Variants in IL20RA observed in about 807,000 individuals in gnomAD.
IL20RA encodes the protein interleukin 20 receptor subunit alpha, also known as interleukin-20 receptor subunit alpha.
Under a neutral mutation model 36.5 loss-of-function variants are expected in IL20RA, and 29 were observed. The observed-to-expected ratio is 0.79, with a 90% confidence interval of 0.59 to 1.08. The LOEUF (loss-of-function observed/expected upper bound fraction) is 1.08, where lower values mean the gene tolerates loss of function less well. IL20RA is among the 50% of genes least tolerant of loss of function. The pLI is 0.00. For synonymous variants in IL20RA, 279 were observed against 267.1 expected (o/e 1.04, Z -0.43); for missense variants, 652 against 668.4 (o/e 0.98, Z 0.27).
At chr6:137,006,688 C>A (rs1402353518) in intron 5 of IL20RA, among the ~76,000 whole-genome samples, 1 of 151,852 alleles carries the variant, frequency 6.6e-6, no homozygotes, top group Non-Finnish European at 1.5e-5. Flanking sequence ...GGGTTCAGAA[C>A]CAGAAATAGA....
In IL20RA at chr6:137,008,665, A is replaced by T; in HGVS notation, c.658T>A (p.Ser220Thr). The T allele has an allele frequency of 6.2e-7, 1 of 1,607,704 alleles. No individual in the cohort carries two copies. The change falls in exon 5 of 7, where the codon TCC (serine) becomes ACC (threonine). Residue 220 changes from serine to threonine, a missense_variant. Physicochemically the swap from Ser to Thr is moderately conservative, Grantham distance 58. Transcript: ENST00000316649. The part of the protein sequence containing the change: ...PNTLYCVHVE[S>T]FVPGPPRRAQ... ...CGGCGAGGGGGCCCTGGGACGAAGG[A>T]CTCCACGTGTACGCAGTAAAGAGTG...
At chr6:137,039,162 C>T (rs1562243932) in intron 1 of IL20RA, among the ~76,000 whole-genome samples, 1 of 152,174 alleles carries the variant, frequency 6.6e-6, no homozygotes, top group South Asian at 2.1e-4. Flanking sequence ...TATTCCATGC[C>T]GCTTTCCATG....
At chr6:137,036,173 G>A (rs1776483973) in intron 1 of IL20RA, among the ~76,000 whole-genome samples, 1 of 152,150 alleles carries the variant, frequency 6.6e-6, no homozygotes, top group Non-Finnish European at 1.5e-5. Context: ...TTCTGCAAAA[G>A]TTTTCCTTCA....
intron 1 of IL20RA, among the ~76,000 whole-genome samples, chr6:137,024,114 A>G (rs370579815): frequency 1.3e-5 from 2 of 152,158 alleles, no homozygotes; most frequent in East Asian, 3.8e-4. Context: ...AAAACAAAAC[A>G]AAACAAGAGT....
intron 1 of IL20RA, among the ~76,000 whole-genome samples, chr6:137,020,500 AAAAC>A (rs1582828808): frequency 1.0e-5 from 1 of 98,246 alleles, no homozygotes; most frequent in African/African-American, 2.7e-5. Context: ...AAAAAAAAAA[AAAAC>A]CCCTCCATTC....
Position 137,027,549 on chromosome 6 carries a change from C to T in IL20RA, c.89-10446G>A, listed in dbSNP as rs144884833. ...GCTCTACGTCTTACCAGCTATGCGC[C>T]CTCAAGCCAGTTACTTAACCTCTGT... On this transcript the variant is annotated intron_variant, in intron 1 of 6. Transcript: ENST00000316649. 4.1e-3 allele frequency among the ~76,000 whole-genome samples: 622 copies of T among 152,306 alleles called. 17 individuals are homozygous for T. The highest frequency in any genetic ancestry group is 0.038 in the Admixed American group (580 of 15,298).
intron 1 of IL20RA, among the ~76,000 whole-genome samples, chr6:137,039,229 A>G (rs1276939331): frequency 6.6e-6 from 1 of 152,132 alleles, no homozygotes; most frequent in African/African-American, 2.4e-5. Context: ...TCCTGAATTC[A>G]TTCTATAGGA....
At chr6:137,011,157 C>G (rs1775478111) in intron 3 of IL20RA, 117 bp downstream of exon 3, 14 of 780,782 alleles carry the variant, frequency 1.8e-5, no homozygotes, top group Admixed American at 5.1e-5. Flanking sequence ...ACCCACTGGT[C>G]CAGAATACAG....
intron 4 of IL20RA, 200 bp downstream of exon 4, chr6:137,009,117 T>A (rs1430925194): frequency 1.9e-5 from 12 of 622,958 alleles, no homozygotes; most frequent in Non-Finnish European, 3.2e-5. Flanking sequence ...CCATATCCTG[T>A]CAACAGAGTT....
At chr6:137,008,453 G>T in intron 5 of IL20RA, 146 bp downstream of exon 5, 1 of 759,550 alleles carries the variant, frequency 1.3e-6, no homozygotes, top group Non-Finnish European at 2.0e-6. Context: ...GCTGCTCCAC[G>T]CATTTCTGGT....
In IL20RA at chr6:137,009,392, A is replaced by T; in HGVS notation, c.504T>A (p.Leu168=). The T allele has an allele frequency of 6.2e-7, 1 of 1,612,794 alleles. No homozygotes were observed. The highest frequency in any genetic ancestry group is 8.5e-7 in the Non-Finnish European group (1 of 1,178,860). The part of the protein sequence containing the change: ...PEKWKRNPED[L]PVSMQQIYSN... Reference sequence around the variant, plus strand: ...AGTATATTTGTTGCATGGAAACAGGAAGGTCTTCTGGATTTCTCTTCCACT... The same window carrying T: ...AGTATATTTGTTGCATGGAAACAGGTAGGTCTTCTGGATTTCTCTTCCACT... Residue 168 remains leucine (L), a synonymous_variant, in exon 4 of 7, where the codon CTT becomes CTA. Transcript: ENST00000316649.
At position 137,001,172 on chromosome 6, in the gene IL20RA, AT is replaced by A. The variant is rs562468304; in HGVS notation, c.*385del. On this transcript the variant is annotated 3_prime_UTR_variant, in exon 7 of 7. Transcript: ENST00000316649. ...ATAAAATGAGTGATCTTTGGGAAAT[AT>A]TTTTTACAGTGCTATGTGCATATGG... The A allele has an allele frequency of 6.5e-4, 103 of 158,642 alleles. No individual in the cohort carries two copies. The highest frequency in any genetic ancestry group is 5.9e-3 in the South Asian group (29 of 4,880). 9.8% of individuals were successfully genotyped at this position (158,642 alleles called of 1,614,324 possible). A position where few individuals can be genotyped will look rare whatever the true frequency, so the allele number is the denominator to read the frequency against.
intron 1 of IL20RA, among the ~76,000 whole-genome samples, chr6:137,035,973 CCCTAGA>C (rs1271679056): frequency 1.3e-5 from 2 of 152,124 alleles, no homozygotes; most frequent in Admixed American, 1.3e-4. Flanking sequence ...GGCAAGTGCT[CCCTAGA>C]GCAGCCAAGA....
At chr6:137,011,551 C>T (rs1775501824) in intron 2 of IL20RA, 99 bp from the exon 3 acceptor site, 5 of 785,796 alleles carry the variant, frequency 6.4e-6, no homozygotes, top group Non-Finnish European at 7.3e-6. Context: ...TGACGACCTT[C>T]TCTTCAGAAA....
chr6:137,033,669 G>A (rs1319536324), intron 1 of IL20RA, among the ~76,000 whole-genome samples: 1 of 152,210 alleles, frequency 6.6e-6, no homozygotes, highest in Non-Finnish European at 1.5e-5. Flanking sequence ...CTCCCCAAAA[G>A]CCAAGCAGGT....
rs142412156 is a variant in IL20RA at position 137,000,856 on chromosome 6, T to C, written c.*702A>G. On this transcript the variant is annotated 3_prime_UTR_variant, in exon 7 of 7. Transcript: ENST00000316649. ...CTTTTAGGTTAGTTTTGAGAGACAA[T>C]AAGCCCCTACTAAATTATTGAGAGG... 3.9e-5 allele frequency: 6 copies of C among 152,176 alleles called. No homozygotes were observed. Among genetic ancestry groups the C allele is most frequent in the Non-Finnish European group, 8.8e-5 (6 of 68,026 alleles). 9.4% of individuals were successfully genotyped at this position (152,176 alleles called of 1,614,324 possible). A position where few individuals can be genotyped will look rare whatever the true frequency, so the allele number is the denominator to read the frequency against.
At position 137,042,067 on chromosome 6, in the gene IL20RA, T is replaced by C. The variant is rs562802061; in HGVS notation, c.88+2574A>G. Reference sequence around the variant, plus strand: ...GGAAGACCTTCTTGAGGGAAGCACATTGGCAGGAGAGGCCAAAGTCTGAGC... The same window carrying C: ...GGAAGACCTTCTTGAGGGAAGCACACTGGCAGGAGAGGCCAAAGTCTGAGC... On this transcript the variant is annotated intron_variant, in intron 1 of 6. Coordinates refer to ENST00000316649, the MANE Select transcript of IL20RA (RefSeq NM_014432.4). Among the ~76,000 whole-genome samples the C allele has an allele frequency of 2.2e-3, 338 of 152,192 alleles. 2 individuals are homozygous for C. Among genetic ancestry groups the C allele is most frequent in the Middle Eastern group, 0.014 (4 of 294 alleles).
rs3823174 is a variant in IL20RA at position 137,037,318 on chromosome 6, G to A, written c.88+7323C>T. On this transcript the variant is annotated intron_variant, in intron 1 of 6. Transcript: ENST00000316649. Reference sequence around the variant, plus strand: ...ACCCTCAAAAAACAGACCCAATTTCGTATAGATAATATTTATAGTCAATAA... The same window carrying A: ...ACCCTCAAAAAACAGACCCAATTTCATATAGATAATATTTATAGTCAATAA... Among the ~76,000 whole-genome samples, 264 of 152,188 alleles carry A rather than the reference G, an allele frequency of 1.7e-3. 2 individuals are homozygous for A. The South Asian group carries it at 0.036, about 21-fold the overall frequency.
chr6:137,009,472 C>T lies in IL20RA; in HGVS notation c.424G>A (p.Val142Met), dbSNP rs759117119. ...FLETQIGPPE[V>M]ALTTDEKSIS... ...GACTTCTCATCTGTAGTCAGTGCCA[C>T]CTCTGGTGGGCCAATTTGTGCTTAA... is the stretch of plus-strand genomic sequence containing the variant. Residue 142 changes from valine to methionine, a missense_variant, in exon 4 of 7, where the codon GTG becomes ATG. Physicochemically the swap from Val to Met is conservative, Grantham distance 21 (BLOSUM62 1). Transcript: ENST00000316649. 1.9e-6 allele frequency: 3 copies of T among 1,612,304 alleles called. No individual in the cohort carries two copies. Among genetic ancestry groups the T allele is most frequent in the South Asian group, 1.1e-5 (1 of 91,034 alleles).
Sources: allele counts gnomAD v4.1 joint callset (sites outside exome capture counted in the v4.1 genomes callset), GRCh38; gene constraint gnomAD v4.1.1; transcripts MANE v1.5; gene names NCBI Gene and HGNC (gene_info 2026-07-23, HGNC 2026-07-21).